Variants in DNAAF9 observed in about 807,000 individuals in gnomAD.
DNAAF9 encodes the protein shulin.
A neutral mutation model predicts 167.0 loss-of-function variants in DNAAF9; 90 were observed. The observed-to-expected ratio is 0.54, with a 90% confidence interval of 0.45 to 0.64. The LOEUF is 0.64. Among genes scored for constraint, DNAAF9 ranks in the 30% least tolerant of loss-of-function variants. The pLI is 0.00. For synonymous variants in DNAAF9, 491 were observed against 508.8 expected (o/e 0.96, Z 0.47); for missense variants, 1,315 against 1,442.2 (o/e 0.91, Z 1.43).
At chr20:3,340,435 C>CCA in intron 10 of DNAAF9, 69 bp downstream of exon 10, 1 of 212,124 alleles carries the variant, frequency 4.7e-6, no homozygotes, top group Non-Finnish European at 1.0e-5. Flanking sequence ...TGTCTAGCTC[C>CCA]CCCCACCCAC....
At chr20:3,382,314 G>C (rs1279075251) in intron 2 of DNAAF9, 113 bp downstream of exon 2, 4 of 791,832 alleles carry the variant, frequency 5.1e-6, no homozygotes, top group Non-Finnish European at 8.6e-6. Context: ...CAAGAACTAG[G>C]AGGACACCAA....
At chr20:3,404,194 T>A (rs1262731650) in intron 1 of DNAAF9, among the ~76,000 whole-genome samples, 1 of 152,272 alleles carries the variant, frequency 6.6e-6, no homozygotes, top group East Asian at 1.9e-4. Flanking sequence ...CATGCCCAGC[T>A]AATTTTTTTG....
intron 29 of DNAAF9, among the ~76,000 whole-genome samples, chr20:3,273,058 T>C (rs2122821662): frequency 6.6e-6 from 1 of 152,302 alleles, no homozygotes; most frequent in South Asian, 2.1e-4. Flanking sequence ...CTCGAACTCC[T>C]GACCTCAGGT....
intron 1 of DNAAF9, among the ~76,000 whole-genome samples, chr20:3,406,317 A>T (rs888403877): frequency 1.3e-5 from 2 of 152,168 alleles, no homozygotes; most frequent in African/African-American, 4.8e-5. Flanking sequence ...ATATAAGAAA[A>T]CTGTTTTAAC....
In DNAAF9 at chr20:3,330,645, C is replaced by T; in HGVS notation, c.1100+1G>A. ...AGAAAAAATAAAATATGAAGACTTACATTTGTTCAGTTTTCTTGGGCAGCT... is the reference window on the plus strand; with the variant it reads ...AGAAAAAATAAAATATGAAGACTTATATTTGTTCAGTTTTCTTGGGCAGCT... On this transcript the variant is annotated splice_donor_variant, in intron 12 of 36. Coordinates refer to ENST00000252032, the MANE Select transcript of DNAAF9 (RefSeq NM_001009984.3). LOFTEE classifies it high-confidence loss of function. 1 of 1,583,730 alleles carries T rather than the reference C, an allele frequency of 6.3e-7. No homozygotes were observed. The highest frequency in any genetic ancestry group is 8.7e-7 in the Non-Finnish European group (1 of 1,154,502).
intron 27 of DNAAF9, among the ~76,000 whole-genome samples, chr20:3,283,129 T>C (rs190210837): frequency 6.6e-6 from 1 of 152,290 alleles, no homozygotes; most frequent in East Asian, 1.9e-4. Context: ...CTTCACCTTG[T>C]AGAGGAGAAC....
At chr20:3,326,874 CAG>C in intron 12 of DNAAF9, among the ~76,000 whole-genome samples, 1 of 152,244 alleles carries the variant, frequency 6.6e-6, no homozygotes, top group Admixed American at 6.5e-5. Flanking sequence ...TGTAACCAAA[CAG>C]AATAAAACTG....
intron 10 of DNAAF9, among the ~76,000 whole-genome samples, chr20:3,338,168 AT>A (rs1279378959): frequency 6.6e-6 from 1 of 151,620 alleles, no homozygotes. Context: ...GATAAATTCA[AT>A]TTTTTTGTTT....
rs541586648 is a variant in DNAAF9 at position 3,349,208 on chromosome 20, A to C, written c.691-585T>G. Among the ~76,000 whole-genome samples, 29 of 149,984 alleles carry C rather than the reference A, an allele frequency of 1.9e-4. 1 individual carries two copies. Among genetic ancestry groups the C allele is most frequent in the Non-Finnish European group, 3.9e-4 (26 of 67,518 alleles). On this transcript the variant is annotated intron_variant, in intron 7 of 36. Coordinates refer to ENST00000252032, the MANE Select transcript of DNAAF9 (RefSeq NM_001009984.3). ...CGTCTCTACCAAAAAAAAAAACAAAAAAAAAAAAAACACCATGAAAAAAAC... is the reference window on the plus strand; with the variant it reads ...CGTCTCTACCAAAAAAAAAAACAAACAAAAAAAAAACACCATGAAAAAAAC...
chr20:3,334,626 A>G (rs2069902620), intron 10 of DNAAF9, among the ~76,000 whole-genome samples: 2 of 152,226 alleles, frequency 1.3e-5, no homozygotes, highest in Non-Finnish European at 2.9e-5. Context: ...AGGAAATGCC[A>G]AACTGTCTTC....
chr20:3,295,915 T>A, intron 23 of DNAAF9: 1 of 1,525,026 alleles, frequency 6.6e-7, no homozygotes, highest in Non-Finnish European at 9.1e-7. Context: ...GTTCTCTCAG[T>A]AAACTCAGAC....
At chr20:3,295,734 A>T in intron 23 of DNAAF9, 1 of 634,816 alleles carries the variant, frequency 1.6e-6, no homozygotes, top group East Asian at 3.7e-5. Flanking sequence ...ATAACGCGTG[A>T]TGTAGTTGTC....
chr20:3,266,947 G>T (rs2068502037), intron 30 of DNAAF9, among the ~76,000 whole-genome samples: 1 of 150,924 alleles, frequency 6.6e-6, no homozygotes, highest in African/African-American at 2.4e-5. Flanking sequence ...CCGCCTCCTG[G>T]GTTCAAGCCA....
At chr20:3,272,505 G>A (rs190027143) in intron 29 of DNAAF9, among the ~76,000 whole-genome samples, 45 of 152,094 alleles carry the variant, frequency 3.0e-4, no homozygotes, top group Admixed American at 2.6e-3. Context: ...CTGGGATTAC[G>A]GGCGTGAGCC....
rs1306521814 is a variant in DNAAF9, at chr20:3,250,586, G to A, written c.*1986C>T. Reference sequence around the variant, plus strand: ...AGTTGGGACAGTGGGGCAAGTTGGTGAGAGAGCATTTCTGTGAAGAGAAAC... The same window carrying A: ...AGTTGGGACAGTGGGGCAAGTTGGTAAGAGAGCATTTCTGTGAAGAGAAAC... On this transcript the variant is annotated 3_prime_UTR_variant, in exon 37 of 37. Coordinates refer to ENST00000252032, the MANE Select transcript of DNAAF9 (RefSeq NM_001009984.3). 6.6e-6 allele frequency: 1 copy of A among 152,226 alleles called. No homozygotes were observed. Among genetic ancestry groups the A allele is most frequent in the Non-Finnish European group, 1.5e-5 (1 of 68,054 alleles). The allele number at this position is 152,226 out of a possible 1,614,324, so 9.4% of individuals were successfully genotyped here. A position where few individuals can be genotyped will look rare whatever the true frequency, so the allele number is the denominator to read the frequency against.
intron 14 of DNAAF9, among the ~76,000 whole-genome samples, chr20:3,323,471 G>A (rs1171831803): frequency 6.6e-6 from 1 of 151,862 alleles, no homozygotes; most frequent in Admixed American, 6.6e-5. Context: ...TAATGAAGGC[G>A]GGGTTTTGCC....
intron 10 of DNAAF9, 59 bp downstream of exon 10, chr20:3,340,433 TCCCCCCACCCAC>T: frequency 4.5e-6 from 1 of 221,212 alleles, no homozygotes; most frequent in Admixed American, 5.6e-5. Context: ...TTTGTCTAGC[TCCCCCCACCCAC>T]CCCACCCCCA....
Position 3,287,690 on chromosome 20 carries a change from A to G in DNAAF9, c.2428T>C (p.Ser810Pro), listed in dbSNP as rs2068876533. 6.2e-7 allele frequency: 1 copy of G among 1,614,076 alleles called. No individual in the cohort carries two copies. Among genetic ancestry groups the G allele is most frequent in the South Asian group, 1.1e-5 (1 of 91,086 alleles). Residue 810 changes from serine (S) to proline (P), a missense_variant, in exon 27 of 37, where the codon TCT (serine) becomes CCT (proline). Ser to Pro is a moderately conservative substitution (Grantham distance 74, BLOSUM62 -1). Coordinates refer to ENST00000252032, the MANE Select transcript of DNAAF9 (RefSeq NM_001009984.3). ...SSALEAQQNRSARQSAYIRKK... is the reference protein window; with the variant it reads ...SSALEAQQNRPARQSAYIRKK... ...CGGATGTAGGCTGACTGGCGCGCAGAGCGGTTCTGCTGGGCCTCTAGGGCA... is the reference window on the plus strand; with the variant it reads ...CGGATGTAGGCTGACTGGCGCGCAGGGCGGTTCTGCTGGGCCTCTAGGGCA...
intron 1 of DNAAF9, among the ~76,000 whole-genome samples, chr20:3,395,161 C>T (rs1428121120): frequency 4.0e-5 from 6 of 148,486 alleles, no homozygotes; most frequent in East Asian, 3.9e-4. Context: ...TTAGTAGAGA[C>T]GGGGTTTCAC....
Sources: allele counts gnomAD v4.1 joint callset (sites outside exome capture counted in the v4.1 genomes callset), GRCh38; gene constraint gnomAD v4.1.1; transcripts MANE v1.5; gene names NCBI Gene and HGNC (gene_info 2026-07-23, HGNC 2026-07-21).